Variants in UBL3 observed in about 807,000 individuals in gnomAD.
UBL3 encodes ubiquitin like 3.
A neutral mutation model predicts 18.4 loss-of-function variants in UBL3; 6 were observed. The ratio of observed to expected loss-of-function variants is 0.33; its 90% CI spans 0.18 to 0.64. The LOEUF is 0.64. Among genes scored for constraint, UBL3 ranks in the 30% least tolerant of loss-of-function variants. The pLI is 0.76. For synonymous variants in UBL3, 49 were observed against 46.6 expected (o/e 1.05, Z -0.21); for missense variants, 109 against 142.9 (o/e 0.76, Z 1.21).
intron 1 of UBL3, among the ~76,000 whole-genome samples, chr13:29,785,221 C>A (rs1877280278): frequency 6.6e-6 from 1 of 152,120 alleles, no homozygotes; most frequent in Non-Finnish European, 1.5e-5. Context: ...TTATCAATTT[C>A]TTGTTGTGAT....
At chr13:29,811,026 G>A (rs1593664810) in intron 1 of UBL3, among the ~76,000 whole-genome samples, 2 of 152,134 alleles carry the variant, frequency 1.3e-5, no homozygotes, top group East Asian at 1.9e-4. Context: ...GGGAGGAAGG[G>A]TCATTTCTCA....
At chr13:29,787,832 G>A (rs910894396) in intron 1 of UBL3, among the ~76,000 whole-genome samples, 1 of 152,258 alleles carries the variant, frequency 6.6e-6, no homozygotes, top group South Asian at 2.1e-4. Context: ...TCACCCAAAT[G>A]CTGAAGATAC....
intron 1 of UBL3, among the ~76,000 whole-genome samples, chr13:29,841,760 C>T (rs148972797): frequency 2.0e-5 from 3 of 152,264 alleles, no homozygotes; most frequent in African/African-American, 7.2e-5. Flanking sequence ...CCTATTCTAG[C>T]TCAACTTCTT....
chr13:29,819,033 G>A (rs528136908), intron 1 of UBL3, among the ~76,000 whole-genome samples: 223 of 152,220 alleles, frequency 1.5e-3, no homozygotes, highest in Non-Finnish European at 2.5e-3. Context: ...GAAAGATGTG[G>A]AATTTGATTC....
At chr13:29,808,411 A>G (rs1330518516) in intron 1 of UBL3, among the ~76,000 whole-genome samples, 4 of 152,128 alleles carry the variant, frequency 2.6e-5, no homozygotes, top group Non-Finnish European at 5.9e-5. Context: ...AAGACATTCT[A>G]ATATGTTACC....
chr13:29,801,589 T>C (rs1262450661), intron 1 of UBL3, among the ~76,000 whole-genome samples: 1 of 152,176 alleles, frequency 6.6e-6, no homozygotes, highest in Non-Finnish European at 1.5e-5. Flanking sequence ...TCAGCATTTC[T>C]CTGATTTCGC....
chr13:29,817,782 G>A (rs779001042), intron 1 of UBL3, among the ~76,000 whole-genome samples: 25 of 152,074 alleles, frequency 1.6e-4, no homozygotes, highest in Non-Finnish European at 3.2e-4. Flanking sequence ...ATCCCAAACT[G>A]GGTCAGCATT....
chr13:29,824,999 C>A (rs1241748778), intron 1 of UBL3, among the ~76,000 whole-genome samples: 1 of 152,138 alleles, frequency 6.6e-6, no homozygotes, highest in Non-Finnish European at 1.5e-5. Context: ...TCAGGTTTGT[C>A]AAAGATCAGA....
intron 1 of UBL3, among the ~76,000 whole-genome samples, chr13:29,837,393 TA>T (rs1285095192): frequency 1.4e-4 from 21 of 151,944 alleles, no homozygotes; most frequent in Non-Finnish European, 2.2e-4. Flanking sequence ...AAAAACTCAA[TA>T]ATTAGAAATA....
intron 1 of UBL3, among the ~76,000 whole-genome samples, chr13:29,792,337 A>G (rs1221268702): frequency 6.6e-6 from 1 of 152,232 alleles, no homozygotes; most frequent in Non-Finnish European, 1.5e-5. Context: ...TCCCACAACT[A>G]TTTTGGAATA....
intron 1 of UBL3, among the ~76,000 whole-genome samples, chr13:29,838,581 T>C (rs1033831747): frequency 2.6e-5 from 4 of 152,154 alleles, no homozygotes; most frequent in Non-Finnish European, 5.9e-5. Flanking sequence ...CAAAAATTTA[T>C]GACAGACAAA....
intron 1 of UBL3, among the ~76,000 whole-genome samples, chr13:29,804,750 A>G (rs1246675675): frequency 2.0e-5 from 3 of 152,332 alleles, no homozygotes; most frequent in East Asian, 1.9e-4. Context: ...CGAACCAGGA[A>G]GAAACTGAAT....
At chr13:29,803,769 G>A (rs1298066137) in intron 1 of UBL3, among the ~76,000 whole-genome samples, 19 of 152,048 alleles carry the variant, frequency 1.2e-4, no homozygotes. Context: ...CCCAACACAG[G>A]AGCACTCAGA....
chr13:29,829,809 T>TC (rs1878729099), intron 1 of UBL3, among the ~76,000 whole-genome samples: 1 of 152,202 alleles, frequency 6.6e-6, no homozygotes, highest in African/African-American at 2.4e-5. Context: ...CTGGTGCTGT[T>TC]CCTATTCGGC....
chr13:29,793,708 AATG>A, intron 1 of UBL3, among the ~76,000 whole-genome samples: 1 of 152,318 alleles, frequency 6.6e-6, no homozygotes, highest in East Asian at 1.9e-4. Context: ...ACCATATATC[AATG>A]ATAACTCAGA....
At chr13:29,829,016 G>C (rs113600690) in intron 1 of UBL3, among the ~76,000 whole-genome samples, 2,278 of 152,280 alleles carry the variant, frequency 0.015, 57 homozygotes, top group African/African-American at 0.051. Flanking sequence ...AAATGTTGCT[G>C]CCTGATCGTT....
At chr13:29,814,142 GTATC>G in intron 1 of UBL3, among the ~76,000 whole-genome samples, 1 of 152,120 alleles carries the variant, frequency 6.6e-6, no homozygotes, top group East Asian at 1.9e-4. Flanking sequence ...TTTTTAAAGA[GTATC>G]TAATGTTATT....
chr13:29,835,115 TATATATATAA>T (rs1566001003), intron 1 of UBL3, among the ~76,000 whole-genome samples: 2 of 25,830 alleles, frequency 7.7e-5, no homozygotes, highest in Admixed American at 5.5e-4. Flanking sequence ...TAAATATATA[TATATATATAA>T]ATATATATAT....
chr13:29,770,334 A>C (rs187107702), intron 3 of UBL3, among the ~76,000 whole-genome samples: 1 of 152,168 alleles, frequency 6.6e-6, no homozygotes, highest in Admixed American at 6.6e-5. Context: ...TCTACACTAG[A>C]GATAGTTTAT....
Sources: allele counts gnomAD v4.1 joint callset (sites outside exome capture counted in the v4.1 genomes callset), GRCh38; gene constraint gnomAD v4.1.1; transcripts MANE v1.5; gene names NCBI Gene and HGNC (gene_info 2026-07-23, HGNC 2026-07-21).